BAZ2B: variants seen among roughly 807,000 people sequenced by gnomAD.
BAZ2B encodes the protein bromodomain adjacent to zinc finger domain protein 2B.
BAZ2B carries 91 observed loss-of-function variants against 246.0 expected under a neutral mutation model. That is an observed-to-expected ratio of 0.37 (90% CI 0.31 to 0.44). The LOEUF (loss-of-function observed/expected upper bound fraction) is 0.44. BAZ2B is among the 20% of genes least tolerant of loss of function. The pLI, the probability that BAZ2B is intolerant of heterozygous loss-of-function variation, is 1.00. For missense variants in BAZ2B, 2,332 were observed against 2,533.7 expected, an observed-to-expected ratio of 0.92 and a Z score of 1.71; for synonymous variants, 855 against 860.0, an observed-to-expected ratio of 0.99 and a Z score of 0.10.
intron 1 of BAZ2B, among the ~76,000 whole-genome samples, chr2:159,561,593 A>G (rs1387953852): frequency 6.6e-6 from 1 of 152,216 alleles, no homozygotes; most frequent in Non-Finnish European, 1.5e-5. Context: ...CAACTTGTAA[A>G]TATTATTTAG....
intron 2 of BAZ2B, among the ~76,000 whole-genome samples, chr2:159,548,505 G>A (rs1240428303): frequency 2.8e-5 from 4 of 141,808 alleles, no homozygotes; most frequent in Non-Finnish European, 4.8e-5. Flanking sequence ...TCTGTAGAAT[G>A]TAATGATATA....
intron 4 of BAZ2B, among the ~76,000 whole-genome samples, chr2:159,450,014 A>T (rs1398691995): frequency 6.6e-6 from 1 of 152,164 alleles, no homozygotes; most frequent in East Asian, 1.9e-4. Context: ...GCTATAAAAA[A>T]TTTTAAAAAG....
intron 2 of BAZ2B, among the ~76,000 whole-genome samples, chr2:159,510,889 T>A (rs2082850314): frequency 6.6e-6 from 1 of 152,204 alleles, no homozygotes; most frequent in Non-Finnish European, 1.5e-5. Flanking sequence ...CAATTAATCT[T>A]ATGCTCCTTT....
intron 3 of BAZ2B, among the ~76,000 whole-genome samples, chr2:159,467,765 T>C (rs951154396): frequency 6.5e-5 from 9 of 137,420 alleles, no homozygotes; most frequent in African/African-American, 9.8e-5. Context: ...AAAAGCCCCC[T>C]GAAATACTGG....
the BAZ2B span, among the ~76,000 whole-genome samples, chr2:159,657,134 G>A: frequency 6.6e-6 from 1 of 152,038 alleles, no homozygotes; most frequent in Non-Finnish European, 1.5e-5. Flanking sequence ...TTACATTTAG[G>A]TCTATCCATG....
chr2:159,455,735 C>T (rs920543992), intron 3 of BAZ2B, among the ~76,000 whole-genome samples: 3 of 145,170 alleles, frequency 2.1e-5, no homozygotes, highest in Admixed American at 1.4e-4. Flanking sequence ...ATCTTTAAGA[C>T]CAGTGATAGG....
intron 1 of BAZ2B, among the ~76,000 whole-genome samples, chr2:159,605,102 ATTGCAGCCTTGAGCTCC>A (rs1394943192): frequency 6.6e-6 from 1 of 152,076 alleles, no homozygotes; most frequent in African/African-American, 2.4e-5. Flanking sequence ...ATAATAGCTC[ATTGCAGCCTTGAGCTCC>A]TGGGTTCGAG....
the BAZ2B span, among the ~76,000 whole-genome samples, chr2:159,653,365 C>T: frequency 6.6e-6 from 1 of 152,298 alleles, no homozygotes; most frequent in East Asian, 1.9e-4. Flanking sequence ...ATTTCTACAA[C>T]ATTTATTCTA....
At chr2:159,346,325 T>C (rs1199538460) in intron 31 of BAZ2B, among the ~76,000 whole-genome samples, 1 of 152,250 alleles carries the variant, frequency 6.6e-6, no homozygotes, top group Non-Finnish European at 1.5e-5. Context: ...TAGGATAGCA[T>C]TATGCCATAA....
Position 159,428,383 on chromosome 2 carries a change from C to T in BAZ2B, c.2292G>A (p.Gly764=). The change falls in exon 12 of 37, where the codon GGG becomes GGA. Residue 764 remains glycine (G), a synonymous_variant. Coordinates refer to ENST00000392783, the MANE Select transcript of BAZ2B (RefSeq NM_013450.4). ...QRETRIRNFG[G]RLQGEVAYYA... ...AATATGCTACTTCTCCTTGAAGGCG[C>T]CCTCCAAAGTTTCTTATTCTTGTCT... is the stretch of plus-strand genomic sequence containing the variant. The T allele has an allele frequency of 2.5e-6, 4 of 1,613,186 alleles. No individual in the cohort carries two copies. Among genetic ancestry groups the T allele is most frequent in the Non-Finnish European group, 3.4e-6 (4 of 1,179,580 alleles).
At chr2:159,469,825 T>C (rs1447634371) in intron 3 of BAZ2B, among the ~76,000 whole-genome samples, 1 of 151,944 alleles carries the variant, frequency 6.6e-6, no homozygotes, top group Non-Finnish European at 1.5e-5. Flanking sequence ...ACCAAAACTC[T>C]CCAGGCCCAG....
At chr2:159,514,603 C>A (rs1189217727) in intron 2 of BAZ2B, among the ~76,000 whole-genome samples, 1 of 152,140 alleles carries the variant, frequency 6.6e-6, no homozygotes, top group Non-Finnish European at 1.5e-5. Flanking sequence ...GGGTATGACA[C>A]TGGAGACTGT....
intron 3 of BAZ2B, among the ~76,000 whole-genome samples, chr2:159,470,664 T>C (rs528859344): frequency 6.9e-4 from 105 of 152,278 alleles, no homozygotes; most frequent in African/African-American, 2.5e-3. Flanking sequence ...TCAAGCTTTA[T>C]TTTGAAGGTA....
intron 2 of BAZ2B, among the ~76,000 whole-genome samples, chr2:159,519,329 A>G (rs1157838194): frequency 7.3e-6 from 1 of 136,554 alleles, no homozygotes; most frequent in Non-Finnish European, 1.5e-5. Context: ...TCCCGGGTTC[A>G]CGCCATTCTC....
At chr2:159,521,218 T>G (rs989105412) in intron 2 of BAZ2B, among the ~76,000 whole-genome samples, 1 of 152,084 alleles carries the variant, frequency 6.6e-6, no homozygotes, top group African/African-American at 2.4e-5. Context: ...ATAGGATAAT[T>G]ATCATGGTTA....
chr2:159,477,019 A>G (rs2078654923), intron 3 of BAZ2B, among the ~76,000 whole-genome samples: 1 of 152,206 alleles, frequency 6.6e-6, no homozygotes. Context: ...AAAAATATAT[A>G]GTGCGGCTGG....
intron 1 of BAZ2B, among the ~76,000 whole-genome samples, chr2:159,593,441 C>A (rs1288241065): frequency 6.6e-6 from 1 of 152,206 alleles, no homozygotes; most frequent in Non-Finnish European, 1.5e-5. Context: ...GTCCCTTTCA[C>A]TATCCTTTTT....
chr2:159,391,545 G>T (rs1559231253), intron 20 of BAZ2B, among the ~76,000 whole-genome samples: 1 of 152,104 alleles, frequency 6.6e-6, no homozygotes. Context: ...TTCTTAAAAA[G>T]AGAGAAAATC....
chr2:159,473,234 C>T (rs1463269246), intron 3 of BAZ2B, among the ~76,000 whole-genome samples: 1 of 152,118 alleles, frequency 6.6e-6, no homozygotes, highest in Non-Finnish European at 1.5e-5. Context: ...CTAGTTACTG[C>T]CTCAGTTTCA....
Sources: gnomAD v4.1 joint callset for allele counts (sites outside exome capture counted in the v4.1 genomes callset) on GRCh38, gnomAD v4.1.1 for gene constraint, MANE v1.5 for transcripts, NCBI Gene and HGNC (gene_info 2026-07-23, HGNC 2026-07-21) for gene names.